AK5: variants seen among roughly 807,000 people sequenced by gnomAD.
AK5 encodes adenylate kinase isoenzyme 5.
A neutral mutation model predicts 69.5 loss-of-function variants in AK5; 27 were observed. The ratio of observed to expected loss-of-function variants is 0.39; its 90% CI spans 0.29 to 0.54. AK5 has a LOEUF of 0.54. Ranked by LOEUF, AK5 falls within the 20% of genes least tolerant of loss-of-function variation. The pLI is 0.71. For missense variants in AK5, 531 were observed against 700.4 expected (o/e 0.76, Z 2.73); for synonymous variants, 260 against 244.4 (o/e 1.06, Z -0.60).
chr1:77,526,896 C>A (rs1658326819), intron 12 of AK5, among the ~76,000 whole-genome samples: 1 of 151,614 alleles, frequency 6.6e-6, no homozygotes, highest in Non-Finnish European at 1.5e-5. Context: ...CGGTCAACAA[C>A]AACAAAATTA....
At chr1:77,408,780 G>A (rs760658148) in intron 6 of AK5, among the ~76,000 whole-genome samples, 10 of 151,408 alleles carry the variant, frequency 6.6e-5, no homozygotes, top group African/African-American at 1.2e-4. Flanking sequence ...TTTATTTTTG[G>A]TTTGGGGGCA....
intron 8 of AK5, among the ~76,000 whole-genome samples, chr1:77,418,457 T>C (rs572085045): frequency 6.6e-6 from 1 of 152,242 alleles, no homozygotes; most frequent in East Asian, 1.9e-4. Context: ...ATATCACTAG[T>C]CTGTGGAAGG....
At chr1:77,359,170 G>A (rs892400920) in intron 6 of AK5, among the ~76,000 whole-genome samples, 1 of 151,720 alleles carries the variant, frequency 6.6e-6, no homozygotes, top group Non-Finnish European at 1.5e-5. Flanking sequence ...CAGAAGAATG[G>A]CGTGAACCTG....
chr1:77,339,816 T>G (rs1196246500), intron 5 of AK5, among the ~76,000 whole-genome samples: 1 of 151,878 alleles, frequency 6.6e-6, no homozygotes, highest in Non-Finnish European at 1.5e-5. Context: ...TAGAGACGGT[T>G]TCACCATGTT....
intron 8 of AK5, among the ~76,000 whole-genome samples, chr1:77,478,816 A>G (rs996130703): frequency 6.6e-6 from 1 of 152,224 alleles, no homozygotes; most frequent in Non-Finnish European, 1.5e-5. Context: ...AGACATGAAT[A>G]TCTTAAGGTG....
intron 8 of AK5, among the ~76,000 whole-genome samples, chr1:77,444,378 A>ATG (rs1280853550): frequency 2.8e-5 from 1 of 35,252 alleles, no homozygotes; most frequent in African/African-American, 1.3e-4. Flanking sequence ...AATATATACT[A>ATG]TATATAGTAT....
chr1:77,411,183 C>T (rs971048057), intron 7 of AK5, 112 bp downstream of exon 7: 14 of 830,684 alleles, frequency 1.7e-5, no homozygotes, highest in Non-Finnish European at 2.6e-5. Flanking sequence ...TGAAGGATGA[C>T]AAAGTCTTAT....
chr1:77,357,833 T>C (rs1662613512), intron 6 of AK5, among the ~76,000 whole-genome samples: 1 of 152,262 alleles, frequency 6.6e-6, no homozygotes, highest in East Asian at 1.9e-4. Flanking sequence ...TCTATCATTT[T>C]ACTTTTCAAC....
At chr1:77,526,465 CTTTTTTTTTTTTTTT>C (rs917395853) in intron 12 of AK5, among the ~76,000 whole-genome samples, 2 of 84,672 alleles carry the variant, frequency 2.4e-5, no homozygotes, top group East Asian at 7.0e-4. Flanking sequence ...GAATAAAAGT[CTTTTTTTTTTTTTTT>C]TTTTTTTTTT....
rs749073620 is a variant in AK5 at position 77,535,953 on chromosome 1, A to G, written c.1535A>G (p.Lys512Arg). 1.2e-6 allele frequency: 2 copies of G among 1,614,124 alleles called. No homozygotes were observed. The highest frequency in any genetic ancestry group is 2.7e-5 in the African/African-American group (2 of 75,026). The change falls in exon 13 of 14, where the codon AAG becomes AGG. Residue 512 changes from lysine (K) to arginine (R), a missense_variant. By Grantham distance (26) the Lys-to-Arg change is conservative. Transcript: ENST00000354567. ...AGCCTGCCTGTGGACGACACCACCA[A>G]GACCATCGCCAAGCGCCTAGAAGCC... ...RSSLPVDDTT[K>R]TIAKRLEAYY... is the part of the protein sequence containing the mutation.
intron 8 of AK5, among the ~76,000 whole-genome samples, chr1:77,447,631 A>G (rs963324286): frequency 1.4e-4 from 21 of 152,366 alleles, no homozygotes; most frequent in Middle Eastern, 3.4e-3. Context: ...TATTAACCAG[A>G]TGACCTTGAA....
At position 77,556,231 on chromosome 1, in the gene AK5, A is replaced by G. The variant is rs138737856; in HGVS notation, c.1621-2371A>G. Among the ~76,000 whole-genome samples the G allele has an allele frequency of 1.4e-3, 209 of 152,278 alleles. 1 individual carries two copies. The highest frequency in any genetic ancestry group is 4.8e-3 in the African/African-American group (200 of 41,568). On this transcript the variant is annotated intron_variant, in intron 13 of 13. Transcript: ENST00000354567. ...GAGTTGCAGAAGCTCCACCCTCCCC[A>G]TATGTCTCCCCTGTCACAGCTTCCT...
chr1:77,359,543 A>G (rs932589844), intron 6 of AK5, among the ~76,000 whole-genome samples: 4 of 152,154 alleles, frequency 2.6e-5, no homozygotes, highest in African/African-American at 9.7e-5. Flanking sequence ...ATCTGAAAAA[A>G]AAATGGATAA....
At chr1:77,489,859 A>G (rs1322973270) in intron 10 of AK5, among the ~76,000 whole-genome samples, 1 of 152,158 alleles carries the variant, frequency 6.6e-6, no homozygotes, top group Non-Finnish European at 1.5e-5. Context: ...CTTTGGCTCC[A>G]GCCACACCTG....
At chr1:77,448,612 A>G (rs1234964789) in intron 8 of AK5, among the ~76,000 whole-genome samples, 1 of 152,228 alleles carries the variant, frequency 6.6e-6, no homozygotes, top group Non-Finnish European at 1.5e-5. Context: ...TGCATACCTC[A>G]TTCTTCCTGG....
At chr1:77,306,460 G>A (rs1659640600) in intron 5 of AK5, among the ~76,000 whole-genome samples, 1 of 144,604 alleles carries the variant, frequency 6.9e-6, no homozygotes, top group Non-Finnish European at 1.5e-5. Context: ...TCTTTCTAAT[G>A]CATTGTTGAA....
At chr1:77,458,505 A>G (rs1653636511) in intron 8 of AK5, among the ~76,000 whole-genome samples, 2 of 152,238 alleles carry the variant, frequency 1.3e-5, no homozygotes, top group African/African-American at 2.4e-5. Context: ...TTACAAAGGA[A>G]AGAGGTTTAA....
chr1:77,460,215 A>G (rs1653748656), intron 8 of AK5, among the ~76,000 whole-genome samples: 1 of 152,260 alleles, frequency 6.6e-6, no homozygotes, highest in African/African-American at 2.4e-5. Context: ...ATGGGTCACC[A>G]TAGTCACAAA....
At chr1:77,326,740 G>A (rs866919791) in intron 5 of AK5, among the ~76,000 whole-genome samples, 2 of 152,164 alleles carry the variant, frequency 1.3e-5, no homozygotes, top group African/African-American at 2.4e-5. Flanking sequence ...TGCAATATGT[G>A]TGAAAGTATA....
Sources: allele counts gnomAD v4.1 joint callset (sites outside exome capture counted in the v4.1 genomes callset), GRCh38; gene constraint gnomAD v4.1.1; transcripts MANE v1.5; gene names NCBI Gene and HGNC (gene_info 2026-07-23, HGNC 2026-07-21).